Variants in SAMD3 observed in about 807,000 individuals in gnomAD.
SAMD3 encodes sterile alpha motif domain-containing protein 3.
In SAMD3, 63 loss-of-function variants were observed where a neutral mutation model predicts 58.5. The ratio of observed to expected loss-of-function variants is 1.08; its 90% CI spans 0.88 to 1.33. SAMD3 has a LOEUF of 1.33. SAMD3 is among the 40% of genes most tolerant of loss of function. The pLI is 0.00. For synonymous variants in SAMD3, 220 were observed against 210.3 expected, an observed-to-expected ratio of 1.05 and a Z score of -0.40; for missense variants, 604 against 608.4, an observed-to-expected ratio of 0.99 and a Z score of 0.08.
chr6:130,311,890 T>C (rs1181523235), intron 2 of SAMD3, among the ~76,000 whole-genome samples: 1 of 151,946 alleles, frequency 6.6e-6, no homozygotes, highest in Non-Finnish European at 1.5e-5. Context: ...TCATTCCCCA[T>C]CAGGAGGGGG....
intron 7 of SAMD3, chr6:130,183,467 G>T (rs1044846409): frequency 2.3e-6 from 1 of 427,586 alleles, no homozygotes; most frequent in African/African-American, 2.1e-5. Flanking sequence ...CTCAAAGCCA[G>T]ACAACAGCTC....
At chr6:130,315,012 T>C (rs1004804116) in intron 1 of SAMD3, among the ~76,000 whole-genome samples, 4 of 152,228 alleles carry the variant, frequency 2.6e-5, no homozygotes, top group African/African-American at 9.6e-5. Context: ...TCTTAATACA[T>C]GGACAAACTA....
chr6:130,233,724 G>A (rs1796608745), intron 2 of SAMD3, among the ~76,000 whole-genome samples: 1 of 152,112 alleles, frequency 6.6e-6, no homozygotes, highest in Admixed American at 6.6e-5. Context: ...GGAAGCTTAT[G>A]GGCTGAATTT....
intron 2 of SAMD3, among the ~76,000 whole-genome samples, chr6:130,277,752 C>T (rs1364907141): frequency 6.6e-6 from 1 of 152,110 alleles, no homozygotes; most frequent in African/African-American, 2.4e-5. Context: ...GTTTTGAAAT[C>T]ACCATTGTAA....
At chr6:130,285,190 T>C (rs1055938441) in intron 2 of SAMD3, among the ~76,000 whole-genome samples, 4 of 152,180 alleles carry the variant, frequency 2.6e-5, no homozygotes, top group Non-Finnish European at 4.4e-5. Context: ...AGTGGAGATA[T>C]GAATTGGATA....
rs546588612 is a variant in SAMD3, at chr6:130,152,373, G to A, written c.1023+2452C>T. Among the ~76,000 whole-genome samples the A allele has an allele frequency of 5.9e-5, 9 of 152,086 alleles. 1 individual carries two copies. In the South Asian group the frequency reaches 1.0e-3, roughly 18 times the overall value. On this transcript the variant is annotated intron_variant, in intron 9 of 11. Coordinates refer to ENST00000439090, the MANE Select transcript of SAMD3 (RefSeq NM_001017373.4). ...TTCCTGGAAAAACCGAAAATGATTC[G>A]TTCTTTTGTCTAAAACAATCAGGTC...
chr6:130,287,455 A>G (rs1258784329), intron 2 of SAMD3, among the ~76,000 whole-genome samples: 1 of 152,252 alleles, frequency 6.6e-6, no homozygotes, highest in Non-Finnish European at 1.5e-5. Flanking sequence ...ATAAATAACT[A>G]TAAAAAGTGT....
At chr6:130,274,958 C>G (rs1038575141) in intron 2 of SAMD3, among the ~76,000 whole-genome samples, 3 of 151,542 alleles carry the variant, frequency 2.0e-5, no homozygotes, top group African/African-American at 7.3e-5. Flanking sequence ...TTTTTTGGAC[C>G]CTTGGCACTC....
intron 1 of SAMD3, among the ~76,000 whole-genome samples, chr6:130,334,587 C>G (rs80161185): frequency 0.032 from 4,885 of 152,258 alleles, 261 homozygotes; most frequent in African/African-American, 0.11. Context: ...GTTATACAGT[C>G]TCTCTGAGAT....
intron 1 of SAMD3, among the ~76,000 whole-genome samples, chr6:130,321,743 G>A (rs1402530489): frequency 6.6e-6 from 1 of 150,970 alleles, no homozygotes; most frequent in Non-Finnish European, 1.5e-5. Context: ...TATATCTAGG[G>A]CCCGAAACAC....
chr6:130,305,646 T>G (rs1168579569), intron 2 of SAMD3, among the ~76,000 whole-genome samples: 1 of 152,162 alleles, frequency 6.6e-6, no homozygotes, highest in African/African-American at 2.4e-5. Context: ...CTTTCCTGAG[T>G]CTGTAAAGAA....
intron 9 of SAMD3, among the ~76,000 whole-genome samples, chr6:130,154,178 G>A (rs914502121): frequency 1.3e-5 from 2 of 148,614 alleles, no homozygotes; most frequent in Non-Finnish European, 3.0e-5. Context: ...CAATGACAGA[G>A]AACTCTTTAG....
chr6:130,343,875 G>A (rs888637072), intron 1 of SAMD3, among the ~76,000 whole-genome samples: 12 of 152,118 alleles, frequency 7.9e-5, no homozygotes, highest in Non-Finnish European at 1.8e-4. Flanking sequence ...CGAGGCGGGA[G>A]AATCGCTTGA....
intron 5 of SAMD3, among the ~76,000 whole-genome samples, chr6:130,190,357 A>T (rs1793424343): frequency 6.6e-6 from 1 of 152,178 alleles, no homozygotes; most frequent in South Asian, 2.1e-4. Flanking sequence ...TCAAGAGTAA[A>T]GATAATCATT....
chr6:130,289,425 C>A (rs183741757), intron 2 of SAMD3, among the ~76,000 whole-genome samples: 42 of 152,174 alleles, frequency 2.8e-4, no homozygotes, highest in African/African-American at 9.6e-4. Flanking sequence ...GTGTTCTCCT[C>A]TTCTTGTTTG....
At chr6:130,326,053 C>T (rs1330848028) in intron 1 of SAMD3, among the ~76,000 whole-genome samples, 3 of 152,292 alleles carry the variant, frequency 2.0e-5, no homozygotes, top group South Asian at 2.1e-4. Flanking sequence ...TAAAACTCAA[C>T]GAATGTCAGA....
At chr6:130,202,695 A>G (rs1212206917) in intron 5 of SAMD3, among the ~76,000 whole-genome samples, 1 of 152,230 alleles carries the variant, frequency 6.6e-6, no homozygotes, top group Non-Finnish European at 1.5e-5. Flanking sequence ...CAAAGCCTAC[A>G]TTACTACATT....
At chr6:130,176,107 G>A in intron 7 of SAMD3, 99 bp from the exon 8 acceptor site, 1 of 926,780 alleles carries the variant, frequency 1.1e-6, no homozygotes. Flanking sequence ...ATCATCTTTG[G>A]GCTTGAAATT....
chr6:130,243,410 A>G (rs1230949638), intron 2 of SAMD3, among the ~76,000 whole-genome samples: 4 of 152,116 alleles, frequency 2.6e-5, no homozygotes, highest in African/African-American at 7.2e-5. Context: ...CCCTTTGCTA[A>G]GAGAGGAAAG....
Sources: gnomAD v4.1 joint callset for allele counts (sites outside exome capture counted in the v4.1 genomes callset) on GRCh38, gnomAD v4.1.1 for gene constraint, MANE v1.5 for transcripts, NCBI Gene and HGNC (gene_info 2026-07-23, HGNC 2026-07-21) for gene names.